SLC43A2: variants seen among roughly 807,000 people sequenced by gnomAD.
SLC43A2 encodes large neutral amino acids transporter small subunit 4.
A neutral mutation model predicts 63.2 loss-of-function variants in SLC43A2; 38 were observed. That is an observed-to-expected ratio of 0.60 (90% CI 0.46 to 0.79). The LOEUF (loss-of-function observed/expected upper bound fraction) is 0.79, where lower values mean the gene tolerates loss of function less well. SLC43A2 is among the 30% of genes least tolerant of loss of function. The pLI, the probability that SLC43A2 is intolerant of heterozygous loss-of-function variation, is 0.00. For synonymous variants in SLC43A2, 322 were observed against 331.0 expected, an observed-to-expected ratio of 0.97 and a Z score of 0.30; for missense variants, 644 against 756.2, an observed-to-expected ratio of 0.85 and a Z score of 1.74.
chr17:1,598,291 G>T (rs2151055007), intron 5 of SLC43A2, among the ~76,000 whole-genome samples: 1 of 152,150 alleles, frequency 6.6e-6, no homozygotes, highest in South Asian at 2.1e-4. Flanking sequence ...CGTGGTGGTG[G>T]GTGCCTGTAG....
intron 5 of SLC43A2, among the ~76,000 whole-genome samples, chr17:1,607,618 G>A (rs946512864): frequency 1.3e-5 from 2 of 152,156 alleles, no homozygotes; most frequent in African/African-American, 2.4e-5. Flanking sequence ...TGAATGGTGG[G>A]TGTCAGCACA....
At chr17:1,616,859 C>A in intron 2 of SLC43A2, 90 bp from the exon 3 acceptor site, 4 of 1,447,232 alleles carry the variant, frequency 2.8e-6, no homozygotes, top group Non-Finnish European at 3.8e-6. Flanking sequence ...AGAGTCCCCC[C>A]ACTGGGAATG....
chr17:1,579,736 C>G (rs572767587), intron 11 of SLC43A2, among the ~76,000 whole-genome samples: 16 of 151,812 alleles, frequency 1.1e-4, no homozygotes, highest in African/African-American at 3.9e-4. Context: ...ACTCAGGAGG[C>G]TGAGGTGGGA....
Position 1,588,857 on chromosome 17 carries a change from G to A in SLC43A2, c.1078+1945C>T, listed in dbSNP as rs572740701. 1.3e-3 allele frequency among the ~76,000 whole-genome samples: 203 copies of A among 152,322 alleles called. 1 individual carries two copies. The Middle Eastern group carries it at 0.017, about 13-fold the overall frequency. ...GCGGCAAGGCCTGGAGTCTCCATTC[G>A]GAACCAGCACCCGGGAGCCTCTGCC... On this transcript the variant is annotated intron_variant, in intron 9 of 13. Transcript: ENST00000301335.
intron 12 of SLC43A2, 141 bp from the exon 13 acceptor site, chr17:1,576,861 CTGTT>C: frequency 1.3e-6 from 1 of 775,444 alleles, no homozygotes; most frequent in Non-Finnish European, 1.9e-6. Flanking sequence ...CTGGGCAGTT[CTGTT>C]TTTTTTTTTT....
At chr17:1,613,310 C>T in intron 4 of SLC43A2, 39 bp from the exon 5 acceptor site, 1 of 1,602,254 alleles carries the variant, frequency 6.2e-7, no homozygotes, top group Non-Finnish European at 8.5e-7. Context: ...GAGACCCCAG[C>T]TGAGCTCCAG....
chr17:1,585,499 A>G (rs940672183), intron 10 of SLC43A2: 7 of 413,918 alleles, frequency 1.7e-5, no homozygotes, highest in East Asian at 1.5e-4. Flanking sequence ...ACTCACCTCA[A>G]CCTTCCAAAG....
At chr17:1,594,367 T>A (rs1211706106) in intron 5 of SLC43A2, among the ~76,000 whole-genome samples, 1 of 152,054 alleles carries the variant, frequency 6.6e-6, no homozygotes, top group Non-Finnish European at 1.5e-5. Context: ...GCAAACTACA[T>A]CCTCCCAAAG....
intron 5 of SLC43A2, among the ~76,000 whole-genome samples, chr17:1,600,152 A>ATT (rs1555541181): frequency 1.7e-5 from 1 of 60,280 alleles, no homozygotes; most frequent in African/African-American, 5.4e-5. Flanking sequence ...ATATATATAT[A>ATT]TTTTTTTTTT....
intron 4 of SLC43A2, among the ~76,000 whole-genome samples, chr17:1,613,534 C>T (rs918541874): frequency 6.6e-6 from 1 of 152,304 alleles, no homozygotes. Context: ...CTCACTGCAA[C>T]CTCTGACTCC....
In SLC43A2 at chr17:1,576,209, G is replaced by C. The variant is rs572330673; in HGVS notation, c.1548+388C>G. Among the ~76,000 whole-genome samples, 12 of 149,746 alleles carry C rather than the reference G, an allele frequency of 8.0e-5. 1 individual carries two copies. Among genetic ancestry groups the C allele is most frequent in the Admixed American group, 4.0e-4 (6 of 14,858 alleles). On this transcript the variant is annotated intron_variant, in intron 13 of 13. Transcript: ENST00000301335. Reference sequence around the variant, plus strand: ...AGTGATTCTCCTGTCTCAGCCTCCCGAGTATCTGGGATTACAGGCACCTGC... The same window carrying C: ...AGTGATTCTCCTGTCTCAGCCTCCCCAGTATCTGGGATTACAGGCACCTGC...
chr17:1,575,654 T>C lies in SLC43A2; in HGVS notation c.1660A>G (p.Lys554Glu), dbSNP rs2075913768. ...GAGCCGTTGATTTTGAGGAAGAGTT[T>C]GTCATCCTCCTGCCTCTGCTGCAGC... ...RQLQQRQEDDKLFLKINGSSN... is the reference protein window; with the variant it reads ...RQLQQRQEDDELFLKINGSSN... The change falls in exon 14 of 14, where the codon AAA (lysine) becomes GAA (glutamate). Residue 554 changes from lysine to glutamate, a missense_variant. Physicochemically the swap from Lys to Glu is moderately conservative, Grantham distance 56. Around this residue, in one of 3 missense-constraint regions of SLC43A2, gnomAD observed 105 missense variants for 101.7 expected, o/e 1.03. Coordinates refer to ENST00000301335, the MANE Select transcript of SLC43A2 (RefSeq NM_152346.3). The C allele has an allele frequency of 2.0e-5, 33 of 1,614,106 alleles. No individual in the cohort carries two copies. Among genetic ancestry groups the C allele is most frequent in the Non-Finnish European group, 2.7e-5 (32 of 1,180,014 alleles).
intron 5 of SLC43A2, among the ~76,000 whole-genome samples, chr17:1,596,184 G>A (rs914845915): frequency 1.3e-5 from 2 of 152,078 alleles, no homozygotes; most frequent in African/African-American, 4.8e-5. Flanking sequence ...GCCGGGCGTG[G>A]TGGTGGACGC....
intron 9 of SLC43A2, among the ~76,000 whole-genome samples, chr17:1,589,646 G>A (rs1175458858): frequency 6.6e-6 from 1 of 152,138 alleles, no homozygotes; most frequent in East Asian, 1.9e-4. Context: ...TTGAGATGGA[G>A]TCGCACTCTG....
rs545899092 is a variant in SLC43A2 at position 1,627,573 on chromosome 17, G to T, written c.160+142C>A. On this transcript the variant is annotated intron_variant, in intron 2 of 13. Transcript: ENST00000301335. The stretch of plus-strand genomic sequence containing the variant: ...CAATGACAAGTACCCGGCAGGGCTG[G>T]GTGAGGATCAGATGGGCCTTCTGAT... The T allele has an allele frequency of 5.0e-6, 4 of 802,076 alleles. No homozygotes were observed. The South Asian group carries it at 6.1e-5, about 12-fold the overall frequency. 49.7% of individuals were successfully genotyped at this position (802,076 alleles called of 1,614,324 possible).
intron 11 of SLC43A2, among the ~76,000 whole-genome samples, chr17:1,582,177 T>A (rs1047363429): frequency 2.7e-4 from 41 of 151,744 alleles, no homozygotes; most frequent in African/African-American, 9.0e-4. Context: ...CCTCCCAGGT[T>A]CAAATGATTC....
chr17:1,621,369 GC>G (rs572391257), intron 2 of SLC43A2, among the ~76,000 whole-genome samples: 13 of 152,040 alleles, frequency 8.6e-5, no homozygotes, highest in Admixed American at 2.0e-4. Context: ...CGCTTTCCGA[GC>G]CCCCCCTCCA....
intron 5 of SLC43A2, among the ~76,000 whole-genome samples, chr17:1,600,304 C>G (rs552466949): frequency 6.9e-6 from 1 of 143,942 alleles, no homozygotes; most frequent in African/African-American, 2.6e-5. Context: ...GTGCCTGCCA[C>G]GACGCCTGGC....
rs202167943 is a variant in SLC43A2, at chr17:1,585,933, G to A, written c.1197C>T (p.Pro399=). The stretch of plus-strand genomic sequence containing the variant: ...CGCACTGGTTGGCGTCTTTCTCCTC[G>A]GGCTCCTCGGAGGCGTCTTCACACT... ...LKECEDASEE[P]EEKDANQGEK... The change falls in exon 10 of 14, where the codon CCC becomes CCT. Residue 399 remains proline, a synonymous_variant. Coordinates refer to ENST00000301335, the MANE Select transcript of SLC43A2 (RefSeq NM_152346.3). 3.9e-5 allele frequency: 63 copies of A among 1,613,676 alleles called. No homozygotes were observed. Among genetic ancestry groups the A allele is most frequent in the South Asian group, 1.3e-4 (12 of 91,082 alleles).
Sources: allele counts gnomAD v4.1 joint callset (sites outside exome capture counted in the v4.1 genomes callset), GRCh38; gene constraint gnomAD v4.1.1; regional missense constraint gnomAD v4.1.1; transcripts MANE v1.5; gene names NCBI Gene and HGNC (gene_info 2026-07-23, HGNC 2026-07-21).